ATP9B: variants seen among roughly 807,000 people sequenced by gnomAD.
ATP9B encodes the protein ATPase phospholipid transporting 9B.
Under a neutral mutation model 146.1 loss-of-function variants are expected in ATP9B, and 110 were observed. That is an observed-to-expected ratio of 0.75 (90% confidence interval 0.65 to 0.88). The LOEUF is 0.88. Among genes scored for constraint, ATP9B ranks in the 40% least tolerant of loss-of-function variants. The pLI is 0.00. For synonymous variants in ATP9B, 604 were observed against 569.7 expected (o/e 1.06, Z -0.86); for missense variants, 1,499 against 1,496.4 (o/e 1.00, Z -0.03).
At chr18:79,156,792 A>T (rs1476884363) in intron 7 of ATP9B, among the ~76,000 whole-genome samples, 3 of 152,168 alleles carry the variant, frequency 2.0e-5, no homozygotes, top group Non-Finnish European at 1.5e-5. Context: ...ACAATAATGT[A>T]ATGAGACCAT....
chr18:79,235,901 C>A (rs2095837310), intron 11 of ATP9B, among the ~76,000 whole-genome samples: 1 of 152,116 alleles, frequency 6.6e-6, no homozygotes. Context: ...ATTTCTACAT[C>A]TTTGATCTCT....
intron 13 of ATP9B, among the ~76,000 whole-genome samples, chr18:79,278,503 G>A (rs1049333745): frequency 1.3e-5 from 2 of 152,188 alleles, no homozygotes; most frequent in African/African-American, 2.4e-5. Flanking sequence ...CATGGTATTC[G>A]GAAGGTGAGA....
intron 20 of ATP9B, 194 bp from the exon 21 acceptor site, chr18:79,344,071 A>C (rs576044864): frequency 1.7e-5 from 10 of 605,604 alleles, no homozygotes; most frequent in East Asian, 2.8e-5. Context: ...GCGTTAACTG[A>C]GTGGATAGAC....
intron 15 of ATP9B, among the ~76,000 whole-genome samples, chr18:79,309,730 A>G (rs2096642328): frequency 1.3e-5 from 2 of 152,094 alleles, no homozygotes; most frequent in Non-Finnish European, 2.9e-5. Flanking sequence ...GGGGATGAAA[A>G]TGTTTTGAAA....
chr18:79,280,542 G>C (rs1374957982), intron 13 of ATP9B, among the ~76,000 whole-genome samples: 1 of 152,160 alleles, frequency 6.6e-6, no homozygotes, highest in Non-Finnish European at 1.5e-5. Context: ...TTGATTATTT[G>C]CTGTCAACCA....
intron 8 of ATP9B, among the ~76,000 whole-genome samples, chr18:79,191,294 G>T (rs1338456192): frequency 6.6e-6 from 1 of 151,938 alleles, no homozygotes; most frequent in Admixed American, 6.6e-5. Context: ...ATTTGATTTT[G>T]ATATTTTTAA....
At chr18:79,076,877 T>G (rs1285186178) in intron 1 of ATP9B, among the ~76,000 whole-genome samples, 2 of 151,702 alleles carry the variant, frequency 1.3e-5, no homozygotes, top group African/African-American at 4.9e-5. Flanking sequence ...TTATTTTCTC[T>G]TAAAGTTCAC....
chr18:79,377,103 G>T (rs115725078), intron 29 of ATP9B, 144 bp from the exon 30 acceptor site: 1 of 911,992 alleles, frequency 1.1e-6, no homozygotes, highest in Non-Finnish European at 1.7e-6. Flanking sequence ...CCTGAGATTT[G>T]GAGCTGGGCC....
At chr18:79,200,789 G>A (rs2095477210) in intron 9 of ATP9B, among the ~76,000 whole-genome samples, 1 of 79,122 alleles carries the variant, frequency 1.3e-5, no homozygotes, top group Admixed American at 1.1e-4. Context: ...AAGTAGTGGT[G>A]GAATTGTTTT....
At chr18:79,196,310 G>T (rs2095417306) in intron 9 of ATP9B, among the ~76,000 whole-genome samples, 1 of 152,210 alleles carries the variant, frequency 6.6e-6, no homozygotes, top group African/African-American at 2.4e-5. Flanking sequence ...GATTAGCTCT[G>T]CCTGGCTGAT....
chr18:79,201,349 A>C (rs1009500461), intron 9 of ATP9B, among the ~76,000 whole-genome samples: 1 of 152,250 alleles, frequency 6.6e-6, no homozygotes, highest in Non-Finnish European at 1.5e-5. Flanking sequence ...AAATTTATCA[A>C]CTGGGCATTG....
chr18:79,087,841 T>C (rs1405622888), intron 1 of ATP9B, among the ~76,000 whole-genome samples: 2 of 152,222 alleles, frequency 1.3e-5, no homozygotes, highest in Non-Finnish European at 2.9e-5. Flanking sequence ...GGCAGTGCTC[T>C]TGGGTTTGGT....
intron 9 of ATP9B, among the ~76,000 whole-genome samples, chr18:79,206,623 CATAAATAA>C (rs71161762): frequency 0.37 from 55,017 of 146,882 alleles, 11,024 homozygotes; most frequent in Middle Eastern, 0.54. Context: ...AATAACACCT[CATAAATAA>C]ATAAATAAAT....
intron 11 of ATP9B, among the ~76,000 whole-genome samples, chr18:79,243,924 A>C (rs1392585589): frequency 6.6e-6 from 1 of 152,226 alleles, no homozygotes; most frequent in African/African-American, 2.4e-5. Context: ...TTCGGATGCC[A>C]ACATTTTGAA....
chr18:79,247,901 A>C (rs1243117581), intron 11 of ATP9B, among the ~76,000 whole-genome samples: 3 of 152,258 alleles, frequency 2.0e-5, no homozygotes, highest in African/African-American at 7.2e-5. Flanking sequence ...CATGTAGGTT[A>C]TGAAATAATT....
intron 13 of ATP9B, among the ~76,000 whole-genome samples, chr18:79,281,236 C>T (rs2096373066): frequency 6.6e-6 from 1 of 152,146 alleles, no homozygotes; most frequent in South Asian, 2.1e-4. Context: ...GTGACTCACA[C>T]CCGTAATCCC....
At chr18:79,294,076 A>T (rs1428047265) in intron 13 of ATP9B, among the ~76,000 whole-genome samples, 1 of 152,190 alleles carries the variant, frequency 6.6e-6, no homozygotes, top group Non-Finnish European at 1.5e-5. Context: ...AGGACATCTA[A>T]CTAAAGCACT....
chr18:79,156,218 C>G (rs1304629075), intron 7 of ATP9B, among the ~76,000 whole-genome samples: 4 of 152,086 alleles, frequency 2.6e-5, no homozygotes, highest in Admixed American at 6.6e-5. Context: ...TTTTATTTTC[C>G]CAACTGTGGC....
intron 1 of ATP9B, among the ~76,000 whole-genome samples, chr18:79,071,616 C>T (rs900057395): frequency 2.0e-5 from 3 of 151,866 alleles, no homozygotes; most frequent in Non-Finnish European, 4.4e-5. Context: ...AGTGATCCTC[C>T]TGTGTCATCC....
Sources: gnomAD v4.1 joint callset for allele counts (sites outside exome capture counted in the v4.1 genomes callset) on GRCh38, gnomAD v4.1.1 for gene constraint, MANE v1.5 for transcripts, NCBI Gene and HGNC (gene_info 2026-07-23, HGNC 2026-07-21) for gene names.